Variants in CDH23 observed in about 807,000 individuals in gnomAD.
CDH23 encodes the protein cadherin-23.
In CDH23, 189 loss-of-function variants were observed where a neutral mutation model predicts 317.1. The observed-to-expected ratio is 0.60, with a 90% CI of 0.53 to 0.67. The LOEUF (loss-of-function observed/expected upper bound fraction) is 0.67. Among genes scored for constraint, CDH23 ranks in the 30% least tolerant of loss-of-function variants. The pLI, the probability that CDH23 is intolerant of heterozygous loss-of-function variation, is 0.00. For missense variants in CDH23, 4,401 were observed against 4,592.4 expected (o/e 0.96, Z 1.20); for synonymous variants, 1,839 against 1,876.8 (o/e 0.98, Z 0.52).
At chr10:71,409,414 G>A (rs977340824) in intron 1 of CDH23, among the ~76,000 whole-genome samples, 1 of 152,168 alleles carries the variant, frequency 6.6e-6, no homozygotes, top group Non-Finnish European at 1.5e-5. Flanking sequence ...AAACTGTACC[G>A]GGAGGGGTTA....
intron 1 of CDH23, among the ~76,000 whole-genome samples, chr10:71,427,228 A>AGAAAGAAAGAAAGAAAGAAAGG (rs1564572909): frequency 4.9e-5 from 4 of 81,114 alleles, no homozygotes; most frequent in African/African-American, 2.0e-4. Context: ...AAAGAAAGAA[A>AGAAAGAAAGAAAGAAAGAAAGG]GAAAGAAAGA....
intron 9 of CDH23, among the ~76,000 whole-genome samples, chr10:71,607,763 C>T (rs1198127109): frequency 6.6e-6 from 1 of 152,142 alleles, no homozygotes; most frequent in Admixed American, 6.5e-5. Flanking sequence ...ATTAGCTGAG[C>T]GCAGTGGTGT....
intron 3 of CDH23, among the ~76,000 whole-genome samples, chr10:71,461,662 G>C: frequency 6.6e-6 from 1 of 152,228 alleles, no homozygotes; most frequent in East Asian, 1.9e-4. Context: ...CGGCCACCGC[G>C]ACTTGGGCTG....
At chr10:71,522,354 C>A (rs1854746777) in intron 6 of CDH23, among the ~76,000 whole-genome samples, 1 of 152,166 alleles carries the variant, frequency 6.6e-6, no homozygotes, top group Admixed American at 6.5e-5. Context: ...GGCTTCTAAC[C>A]CCGTGGCTTG....
intron 11 of CDH23, chr10:71,622,970 C>T: frequency 1.0e-6 from 1 of 985,024 alleles, no homozygotes; most frequent in South Asian, 4.7e-5. Context: ...AGGGACTATG[C>T]TGAAACTTAC....
At chr10:71,503,770 C>A (rs745896012) in intron 3 of CDH23, among the ~76,000 whole-genome samples, 7 of 152,162 alleles carry the variant, frequency 4.6e-5, no homozygotes, top group Non-Finnish European at 8.8e-5. Flanking sequence ...TGAGGAAGGC[C>A]TCCCCAACGT....
intron 20 of CDH23, among the ~76,000 whole-genome samples, chr10:71,691,000 C>A (rs941380355): frequency 6.6e-6 from 1 of 152,134 alleles, no homozygotes; most frequent in African/African-American, 2.4e-5. Flanking sequence ...TGAGGAAGAT[C>A]ATATTAGGGC....
chr10:71,716,016 GC>G, intron 28 of CDH23: 1 of 1,499,982 alleles, frequency 6.7e-7, no homozygotes, highest in Non-Finnish European at 8.9e-7. Flanking sequence ...GGGACGGTGG[GC>G]CGGCCATGGC....
chr10:71,426,183 A>G (rs1184264877), intron 1 of CDH23, among the ~76,000 whole-genome samples: 1 of 152,202 alleles, frequency 6.6e-6, no homozygotes, highest in Non-Finnish European at 1.5e-5. Flanking sequence ...GACCACCTGC[A>G]TGGCCCCTGA....
At chr10:71,569,907 G>T (rs1426091029) in intron 7 of CDH23, among the ~76,000 whole-genome samples, 1 of 143,466 alleles carries the variant, frequency 7.0e-6, no homozygotes, top group Non-Finnish European at 1.5e-5. Flanking sequence ...TTTTTTTTTT[G>T]AGATGGGGGT....
At chr10:71,525,186 C>A (rs189766488) in intron 6 of CDH23, among the ~76,000 whole-genome samples, 4 of 152,222 alleles carry the variant, frequency 2.6e-5, no homozygotes, top group African/African-American at 4.8e-5. Context: ...GGATTACAGG[C>A]GTGAGCCACT....
At chr10:71,494,458 T>C (rs1852842473) in intron 3 of CDH23, among the ~76,000 whole-genome samples, 1 of 152,220 alleles carries the variant, frequency 6.6e-6, no homozygotes, top group South Asian at 2.1e-4. Context: ...ATCCTGGCTC[T>C]ACCTCTTCCT....
At chr10:71,560,092 C>G (rs1053707226) in intron 6 of CDH23, among the ~76,000 whole-genome samples, 2 of 152,216 alleles carry the variant, frequency 1.3e-5, no homozygotes, top group African/African-American at 4.8e-5. Flanking sequence ...GACCCCATTT[C>G]TCCTCCATCA....
chr10:71,742,818 T>C (rs748588496), intron 38 of CDH23, among the ~76,000 whole-genome samples: 6 of 152,148 alleles, frequency 3.9e-5, no homozygotes, highest in Admixed American at 1.3e-4. Flanking sequence ...AGTAAAACAA[T>C]AACCACATAG....
chr10:71,599,990 CTTTTTTT>C (rs1174206523), intron 9 of CDH23, among the ~76,000 whole-genome samples: 6 of 109,542 alleles, frequency 5.5e-5, no homozygotes, highest in South Asian at 6.5e-4. Flanking sequence ...AATGTCTTTC[CTTTTTTT>C]TTTTTTTTTT....
chr10:71,744,717 T>G (rs1017832297), intron 38 of CDH23, among the ~76,000 whole-genome samples: 2 of 152,178 alleles, frequency 1.3e-5, no homozygotes, highest in African/African-American at 4.8e-5. Flanking sequence ...ATCCTGGTCA[T>G]CACCAGCTCT....
intron 3 of CDH23, among the ~76,000 whole-genome samples, chr10:71,475,802 A>AG (rs1445132788): frequency 6.6e-6 from 1 of 152,248 alleles, no homozygotes; most frequent in Non-Finnish European, 1.5e-5. Context: ...GCTGGAAGGC[A>AG]GGGAGCAGGC....
chr10:71,773,508 G>A (rs1271521885), intron 38 of CDH23: 1 of 1,467,320 alleles, frequency 6.8e-7, no homozygotes, highest in Non-Finnish European at 9.3e-7. Context: ...GCGCGGGGAA[G>A]CCTCCCGCGA....
chr10:71,757,167 C>T (rs1589400688), intron 38 of CDH23, among the ~76,000 whole-genome samples: 1 of 152,264 alleles, frequency 6.6e-6, no homozygotes, highest in African/African-American at 2.4e-5. Flanking sequence ...GCAAAGCACT[C>T]TCTTCTAGTG....
Sources: allele counts gnomAD v4.1 joint callset (sites outside exome capture counted in the v4.1 genomes callset), GRCh38; gene constraint gnomAD v4.1.1; transcripts MANE v1.5; gene names NCBI Gene and HGNC (gene_info 2026-07-23, HGNC 2026-07-21).